Variants in CCDC148 observed in about 807,000 individuals in gnomAD.
CCDC148 encodes the protein coiled-coil domain-containing protein 148.
Under a neutral mutation model 85.7 loss-of-function variants are expected in CCDC148, and 89 were observed. The observed-to-expected ratio is 1.04, with a 90% confidence interval of 0.87 to 1.24. The LOEUF is 1.24. Among genes scored for constraint, CCDC148 ranks in the 50% most tolerant of loss-of-function variants. CCDC148 has a pLI of 0.00. For missense variants in CCDC148, 692 were observed against 671.7 expected (o/e 1.03, Z -0.33); for synonymous variants, 230 against 213.9 (o/e 1.08, Z -0.66).
chr2:158,400,646 G>A (rs1353771541), intron 1 of CCDC148, among the ~76,000 whole-genome samples: 1 of 152,142 alleles, frequency 6.6e-6, no homozygotes, highest in East Asian at 1.9e-4. Context: ...ACATAGGTAT[G>A]GGGAAAGACT....
intron 9 of CCDC148, among the ~76,000 whole-genome samples, chr2:158,293,885 TACAAAG>T (rs997782698): frequency 2.0e-5 from 3 of 150,692 alleles, no homozygotes; most frequent in Admixed American, 2.0e-4. Context: ...GCATGGCAAG[TACAAAG>T]AATGTGCAAC....
intron 11 of CCDC148, 29 bp downstream of exon 11, chr2:158,220,566 T>C (rs1213237584): frequency 6.6e-7 from 1 of 1,512,620 alleles, no homozygotes; most frequent in Non-Finnish European, 9.1e-7. Context: ...ACCACCTCCA[T>C]TACCACACAA....
At chr2:158,314,104 A>G (rs1463923727) in intron 7 of CCDC148, among the ~76,000 whole-genome samples, 1 of 152,250 alleles carries the variant, frequency 6.6e-6, no homozygotes, top group African/African-American at 2.4e-5. Flanking sequence ...TGGTCTTGCC[A>G]TGAGTATCAG....
chr2:158,356,443 A>T (rs1185808163), intron 2 of CCDC148, among the ~76,000 whole-genome samples: 2 of 149,554 alleles, frequency 1.3e-5, no homozygotes. Flanking sequence ...CACTTCTCAA[A>T]AGAAGACATT....
At chr2:158,189,718 T>C (rs1443437394) in intron 11 of CCDC148, among the ~76,000 whole-genome samples, 1 of 151,938 alleles carries the variant, frequency 6.6e-6, no homozygotes, top group Non-Finnish European at 1.5e-5. Flanking sequence ...CAAGCAAGAA[T>C]GGTCAAGTAA....
At chr2:158,236,329 C>T (rs1298556326) in intron 10 of CCDC148, among the ~76,000 whole-genome samples, 1 of 152,122 alleles carries the variant, frequency 6.6e-6, no homozygotes, top group Non-Finnish European at 1.5e-5. Context: ...TTATCTCCCC[C>T]TTAATTGAAA....
At chr2:158,218,858 T>C (rs1248818706) in intron 11 of CCDC148, among the ~76,000 whole-genome samples, 2 of 152,226 alleles carry the variant, frequency 1.3e-5, no homozygotes, top group Non-Finnish European at 2.9e-5. Flanking sequence ...TTCTCAGTTC[T>C]CTCAGTAACA....
At chr2:158,406,501 C>T (rs1686004467) in intron 1 of CCDC148, among the ~76,000 whole-genome samples, 1 of 151,772 alleles carries the variant, frequency 6.6e-6, no homozygotes, top group Admixed American at 6.6e-5. Context: ...CTTTTGTTCT[C>T]TCTAATATTC....
At chr2:158,292,108 C>T (rs965917895) in intron 9 of CCDC148, among the ~76,000 whole-genome samples, 2 of 152,060 alleles carry the variant, frequency 1.3e-5, no homozygotes, top group African/African-American at 4.8e-5. Context: ...AACTTTATCC[C>T]TTTGCTAGTC....
At chr2:158,395,844 G>A (rs962846025) in intron 1 of CCDC148, among the ~76,000 whole-genome samples, 1 of 152,112 alleles carries the variant, frequency 6.6e-6, no homozygotes, top group South Asian at 2.1e-4. Flanking sequence ...TAACAGGAAT[G>A]TTATGGGAAT....
chr2:158,362,023 T>C (rs762783180), intron 1 of CCDC148, among the ~76,000 whole-genome samples: 3 of 142,916 alleles, frequency 2.1e-5, no homozygotes, highest in Non-Finnish European at 4.6e-5. Flanking sequence ...ACAGCAGGGA[T>C]TGCAATTTAG....
chr2:158,338,695 G>C (rs759016308), intron 7 of CCDC148, 31 bp downstream of exon 7: 2 of 1,531,322 alleles, frequency 1.3e-6, no homozygotes, highest in East Asian at 4.5e-5. Flanking sequence ...AGTGTCAAAA[G>C]TCTACACAGG....
intron 1 of CCDC148, among the ~76,000 whole-genome samples, chr2:158,413,206 A>T (rs986617649): frequency 2.6e-4 from 40 of 152,164 alleles, no homozygotes; most frequent in African/African-American, 8.4e-4. Flanking sequence ...AAAATGTTAA[A>T]AGAAGCAGCA....
chr2:158,172,190 C>T lies in CCDC148; in HGVS notation c.1699G>A (p.Ala567Thr). ...CTAATTTTTGGTAATATCTCTTTAG[C>T]ATAAAGTGTTCTATGAAGTCCAGCT... ...REAGLHRTLY[A>T]KEILPKISPQ... Residue 567 changes from alanine to threonine, a missense_variant, in exon 14 of 14, where the codon GCT (alanine) becomes ACT (threonine). Coordinates refer to ENST00000283233, the MANE Select transcript of CCDC148 (RefSeq NM_138803.4). 6.2e-7 allele frequency: 1 copy of T among 1,610,154 alleles called. No individual in the cohort carries two copies. The highest frequency in any genetic ancestry group is 8.5e-7 in the Non-Finnish European group (1 of 1,177,610).
chr2:158,363,377 G>A (rs970809131), intron 1 of CCDC148, among the ~76,000 whole-genome samples: 2 of 151,792 alleles, frequency 1.3e-5, no homozygotes, highest in East Asian at 3.9e-4. Flanking sequence ...AAAATTTCAG[G>A]CCAATATCCC....
Position 158,408,917 on chromosome 2 carries a change from A to C in CCDC148, c.25+47498T>G, listed in dbSNP as rs1030351107. Among the ~76,000 whole-genome samples the C allele has an allele frequency of 6.6e-5, 10 of 152,164 alleles. No homozygotes were observed. The East Asian group carries it at 1.7e-3, about 27-fold the overall frequency. On this transcript the variant is annotated intron_variant, in intron 1 of 13. Coordinates refer to ENST00000283233, the MANE Select transcript of CCDC148 (RefSeq NM_138803.4). The stretch of plus-strand genomic sequence containing the variant: ...TTGTAGTTTGGATTTGCATTTTCCA[A>C]ATAATTATTAATGTTGAGCAACTTC...
chr2:158,352,890 C>T (rs1311831762), intron 2 of CCDC148, among the ~76,000 whole-genome samples: 1 of 151,948 alleles, frequency 6.6e-6, no homozygotes, highest in African/African-American at 2.4e-5. Context: ...GGCAGAAACC[C>T]TACAAGCCAG....
intron 1 of CCDC148, among the ~76,000 whole-genome samples, chr2:158,413,501 A>G (rs1224197219): frequency 6.6e-6 from 1 of 152,178 alleles, no homozygotes. Context: ...TCTCATATAA[A>G]TAAGCCCAGC....
chr2:158,253,509 C>T (rs935961716), intron 9 of CCDC148, among the ~76,000 whole-genome samples: 7 of 151,612 alleles, frequency 4.6e-5, no homozygotes, highest in Non-Finnish European at 1.0e-4. Flanking sequence ...ATTTCACTGA[C>T]CATACCATAA....
Sources: allele counts gnomAD v4.1 joint callset (sites outside exome capture counted in the v4.1 genomes callset), GRCh38; gene constraint gnomAD v4.1.1; transcripts MANE v1.5; gene names NCBI Gene and HGNC (gene_info 2026-07-23, HGNC 2026-07-21).